ERC2: variants seen among roughly 807,000 people sequenced by gnomAD.
ERC2 encodes ERC protein 2.
In ERC2, 42 loss-of-function variants were observed where a neutral mutation model predicts 114.8. The ratio of observed to expected loss-of-function variants is 0.37; its 90% CI spans 0.29 to 0.47. ERC2 has a LOEUF of 0.47. ERC2 is among the 20% of genes least tolerant of loss of function. The pLI, the probability that ERC2 is intolerant of heterozygous loss-of-function variation, is 0.99. For missense variants in ERC2, 939 were observed against 1,150.7 expected, an observed-to-expected ratio of 0.82 and a Z score of 2.66; for synonymous variants, 454 against 425.5, an observed-to-expected ratio of 1.07 and a Z score of -0.82.
At chr3:55,919,409 A>G (rs1329602182) in intron 13 of ERC2, among the ~76,000 whole-genome samples, 2 of 152,186 alleles carry the variant, frequency 1.3e-5, no homozygotes, top group African/African-American at 4.8e-5. Context: ...TATGATGCCA[A>G]TGGAGCGCTA....
At chr3:55,696,351 C>A (rs978283057) in intron 16 of ERC2, among the ~76,000 whole-genome samples, 2 of 152,140 alleles carry the variant, frequency 1.3e-5, no homozygotes, top group Admixed American at 6.5e-5. Context: ...GTTGGTCAAG[C>A]CTTTAAGGCC....
intron 2 of ERC2, among the ~76,000 whole-genome samples, chr3:56,320,905 C>T (rs184469347): frequency 3.3e-5 from 5 of 152,216 alleles, no homozygotes; most frequent in Admixed American, 1.3e-4. Context: ...TGTTAAATAT[C>T]CTTCAGGGTT....
chr3:55,796,417 T>C (rs909516044), intron 14 of ERC2, among the ~76,000 whole-genome samples: 6 of 152,126 alleles, frequency 3.9e-5, no homozygotes, highest in East Asian at 1.9e-4. Context: ...CATGGGCCCA[T>C]TGCCTGTTTC....
At chr3:55,858,358 GA>G (rs1187973124) in intron 14 of ERC2, among the ~76,000 whole-genome samples, 2 of 152,156 alleles carry the variant, frequency 1.3e-5, no homozygotes, top group Non-Finnish European at 2.9e-5. Context: ...GCTGGCAGGA[GA>G]AATGGATATA....
chr3:55,555,521 G>A (rs938610277), intron 17 of ERC2, among the ~76,000 whole-genome samples: 5 of 152,210 alleles, frequency 3.3e-5, no homozygotes, highest in East Asian at 1.9e-4. Context: ...GGTCACAGAC[G>A]TCTCAGAAAT....
chr3:55,997,939 T>TTTTTTTTG (rs2071721019), intron 10 of ERC2, among the ~76,000 whole-genome samples: 4 of 116,534 alleles, frequency 3.4e-5, no homozygotes, highest in Non-Finnish European at 5.2e-5. Flanking sequence ...GTTTTTTTTT[T>TTTTTTTTG]TTTTTTGGTA....
Position 55,617,494 on chromosome 3 carries a change from C to T in ERC2, c.*39+66300G>A, listed in dbSNP as rs561649925. Among the ~76,000 whole-genome samples, 132 of 152,264 alleles carry T rather than the reference C, an allele frequency of 8.7e-4. 1 individual carries two copies. Among genetic ancestry groups the T allele is most frequent in the Non-Finnish European group, 1.5e-3 (102 of 68,012 alleles). ...GTTGGGCTGAGGTCTCATTCCCCTC[C>T]GGCCAGCAGGATCAGAATGTTTAAT... On this transcript the variant is annotated intron_variant, in intron 17 of 17. Transcript: ENST00000288221.
chr3:56,452,555 C>G (rs773879172), intron 1 of ERC2, among the ~76,000 whole-genome samples: 2 of 152,126 alleles, frequency 1.3e-5, no homozygotes, highest in African/African-American at 4.8e-5. Context: ...AACTCACCAG[C>G]TTTATGTTTA....
chr3:56,302,059 G>C (rs1201271211), intron 2 of ERC2, among the ~76,000 whole-genome samples: 1 of 152,168 alleles, frequency 6.6e-6, no homozygotes, highest in Non-Finnish European at 1.5e-5. Flanking sequence ...CCAGGGAATA[G>C]GAACATTCAG....
At chr3:56,281,435 T>C (rs373955562) in intron 3 of ERC2, among the ~76,000 whole-genome samples, 1 of 2,870 alleles carries the variant, frequency 3.5e-4, no homozygotes, top group Non-Finnish European at 1.5e-3. Flanking sequence ...AGACTCCGTC[T>C]CAAAAAAAAA....
In ERC2 at chr3:56,007,369, G is replaced by A. The variant is rs560390710; in HGVS notation, c.1921-48C>T. 535 of 1,522,180 alleles carry A rather than the reference G, an allele frequency of 3.5e-4. 6 individuals are homozygous for A. In the Middle Eastern group the frequency reaches 6.8e-3, roughly 19 times the overall value. The allele number at this position is 1,522,180 out of a possible 1,614,324, so 94.3% of individuals were successfully genotyped here. On this transcript the variant is annotated intron_variant, in intron 9 of 17. Coordinates refer to ENST00000288221, the MANE Select transcript of ERC2 (RefSeq NM_015576.3). ...GAGTAAAACACTGAAATTTCTACTA[G>A]CAATGCCTTCAATTTGAACACATTG...
chr3:56,300,825 CCACGACAT>C (rs1444314512), intron 2 of ERC2, among the ~76,000 whole-genome samples: 2 of 152,198 alleles, frequency 1.3e-5, no homozygotes, highest in Non-Finnish European at 2.9e-5. Context: ...CCTGTTCAAA[CCACGACAT>C]CATTGGCCTC....
intron 2 of ERC2, chr3:56,434,142 G>A: frequency 1.8e-6 from 1 of 550,164 alleles, no homozygotes; most frequent in Non-Finnish European, 3.2e-6. Context: ...GCAACCATGT[G>A]AAAAGGTTAT....
intron 17 of ERC2, among the ~76,000 whole-genome samples, chr3:55,640,557 G>C (rs2060134276): frequency 6.6e-6 from 1 of 152,202 alleles, no homozygotes; most frequent in African/African-American, 2.4e-5. Flanking sequence ...CCTAGAGATT[G>C]AGAAAGAGGG....
intron 6 of ERC2, among the ~76,000 whole-genome samples, chr3:56,127,323 T>A (rs2079933923): frequency 6.6e-6 from 1 of 152,096 alleles, no homozygotes; most frequent in African/African-American, 2.4e-5. Flanking sequence ...AAAATAATCC[T>A]AAAATGTGTA....
chr3:55,743,659 T>C (rs989182213), intron 14 of ERC2, among the ~76,000 whole-genome samples: 53 of 151,152 alleles, frequency 3.5e-4, no homozygotes, highest in African/African-American at 1.2e-3. Context: ...CTTTAGCCTA[T>C]TATGATTTTT....
At chr3:55,939,998 C>A (rs900827770) in intron 13 of ERC2, among the ~76,000 whole-genome samples, 2 of 152,202 alleles carry the variant, frequency 1.3e-5, no homozygotes, top group African/African-American at 2.4e-5. Context: ...ACCCTGCACT[C>A]CAGATGGAAA....
chr3:56,220,588 C>T (rs546621423), intron 3 of ERC2, among the ~76,000 whole-genome samples: 43 of 152,340 alleles, frequency 2.8e-4, no homozygotes, highest in Non-Finnish European at 5.9e-4. Context: ...CTGTAGCTGG[C>T]GTGCCTGTCA....
intron 3 of ERC2, among the ~76,000 whole-genome samples, chr3:56,226,751 T>C (rs1428618743): frequency 6.6e-6 from 1 of 152,146 alleles, no homozygotes; most frequent in Admixed American, 6.5e-5. Flanking sequence ...AGTCCTAGAC[T>C]CACTAGCTCT....
Sources: allele counts gnomAD v4.1 joint callset (sites outside exome capture counted in the v4.1 genomes callset), GRCh38; gene constraint gnomAD v4.1.1; transcripts MANE v1.5; gene names NCBI Gene and HGNC (gene_info 2026-07-23, HGNC 2026-07-21).